RBFOX1: variants seen among roughly 807,000 people sequenced by gnomAD.
RBFOX1 encodes the protein RNA binding fox-1 homolog 1.
RBFOX1 carries 8 observed loss-of-function variants against 57.7 expected under a neutral mutation model. That is an observed-to-expected ratio of 0.14 (90% CI 0.08 to 0.25). The LOEUF is 0.25. RBFOX1 is among the 10% of genes least tolerant of loss of function. RBFOX1 has a pLI of 1.00. For synonymous variants in RBFOX1, 326 were observed against 222.4 expected, an observed-to-expected ratio of 1.47 and a Z score of -4.15; for missense variants, 611 against 548.5, an observed-to-expected ratio of 1.11 and a Z score of -1.14.
At chr16:6,336,846 C>A (rs941066528) in intron 2 of RBFOX1, among the ~76,000 whole-genome samples, 2 of 152,164 alleles carry the variant, frequency 1.3e-5, no homozygotes, top group African/African-American at 2.4e-5. Flanking sequence ...TGAGTGAAAA[C>A]GATCCATGAC....
At chr16:6,908,466 TC>T (rs1215528566) in intron 3 of RBFOX1, among the ~76,000 whole-genome samples, 8 of 152,154 alleles carry the variant, frequency 5.3e-5, no homozygotes, top group Admixed American at 5.2e-4. Flanking sequence ...CTAGACTTTC[TC>T]CCCAGCATGC....
intron 4 of RBFOX1, among the ~76,000 whole-genome samples, chr16:7,365,026 G>A (rs79058131): frequency 0.014 from 2,097 of 152,180 alleles, 43 homozygotes; most frequent in African/African-American, 0.046. Context: ...CTATCCATCC[G>A]TCCGTCCGTC....
intron 4 of RBFOX1, among the ~76,000 whole-genome samples, chr16:7,080,136 A>T (rs1015047596): frequency 1.3e-5 from 2 of 150,214 alleles, no homozygotes; most frequent in African/African-American, 4.9e-5. Context: ...AGTATACTTT[A>T]CTATATCAAT....
intron 4 of RBFOX1, among the ~76,000 whole-genome samples, chr16:7,315,456 A>ACCCGC: frequency 8.1e-6 from 1 of 123,838 alleles, no homozygotes; most frequent in South Asian, 2.7e-4. Context: ...ACTCTACCCT[A>ACCCGC]CCCCCCCCCC....
intron 2 of RBFOX1, among the ~76,000 whole-genome samples, chr16:6,472,093 G>A (rs1259912052): frequency 2.6e-5 from 4 of 151,956 alleles, no homozygotes; most frequent in African/African-American, 4.8e-5. Context: ...AGACTCTACC[G>A]ACAAATTTAC....
At chr16:6,850,059 G>A (rs1410140237) in intron 3 of RBFOX1, among the ~76,000 whole-genome samples, 1 of 152,118 alleles carries the variant, frequency 6.6e-6, no homozygotes, top group African/African-American at 2.4e-5. Flanking sequence ...TTTGTGCATA[G>A]ATACCTTCTT....
At chr16:5,971,988 G>A (rs997876278) in intron 4 of RBFOX1, among the ~76,000 whole-genome samples, 1 of 152,188 alleles carries the variant, frequency 6.6e-6, no homozygotes, top group Non-Finnish European at 1.5e-5. Flanking sequence ...TTGCCTGCCT[G>A]ACTTCAAACT....
chr16:5,640,985 T>C (rs1158803848), intron 3 of RBFOX1, among the ~76,000 whole-genome samples: 3 of 143,818 alleles, frequency 2.1e-5, no homozygotes, highest in Admixed American at 2.1e-4. Context: ...CATACATGCA[T>C]ATCATGCATA....
intron 2 of RBFOX1, among the ~76,000 whole-genome samples, chr16:6,506,485 ACT>A (rs1220833576): frequency 1.3e-5 from 2 of 151,860 alleles, no homozygotes; most frequent in East Asian, 1.9e-4. Context: ...ATGAACCAAG[ACT>A]CTATTAAAAA....
intron 13 of RBFOX1, among the ~76,000 whole-genome samples, chr16:7,674,185 A>T (rs997071252): frequency 6.6e-6 from 1 of 152,196 alleles, no homozygotes; most frequent in Non-Finnish European, 1.5e-5. Context: ...AAGGAAGACC[A>T]TGCAGTAAAG....
intron 3 of RBFOX1, among the ~76,000 whole-genome samples, chr16:6,710,855 G>A (rs1437939837): frequency 6.6e-6 from 1 of 152,196 alleles, no homozygotes; most frequent in African/African-American, 2.4e-5. Flanking sequence ...GTGAGGAAAA[G>A]GAGGAAAGGG....
intron 3 of RBFOX1, among the ~76,000 whole-genome samples, chr16:5,778,156 A>AGGATAAATTGG (rs890785099): frequency 6.6e-6 from 1 of 152,130 alleles, no homozygotes; most frequent in Admixed American, 6.5e-5. Context: ...TGTCTGTAGA[A>AGGATAAATTGG]GGATAAATTG....
intron 3 of RBFOX1, among the ~76,000 whole-genome samples, chr16:6,871,226 C>G (rs892665915): frequency 1.3e-5 from 2 of 152,128 alleles, no homozygotes; most frequent in African/African-American, 4.8e-5. Flanking sequence ...TGCTCTGTCC[C>G]CCAGGCTGGA....
intron 3 of RBFOX1, among the ~76,000 whole-genome samples, chr16:6,821,005 T>C (rs145073156): frequency 3.9e-5 from 6 of 152,342 alleles, no homozygotes; most frequent in African/African-American, 1.2e-4. Flanking sequence ...AAGGGAGTCT[T>C]AGGGTTATTA....
chr16:7,040,761 C>G (rs907101026), intron 3 of RBFOX1, among the ~76,000 whole-genome samples: 11 of 152,158 alleles, frequency 7.2e-5, no homozygotes, highest in African/African-American at 2.7e-4. Context: ...TTTATTTTGT[C>G]ATAGACATCA....
At chr16:5,751,064 A>T (rs1001029360) in intron 3 of RBFOX1, among the ~76,000 whole-genome samples, 1 of 152,126 alleles carries the variant, frequency 6.6e-6, no homozygotes, top group South Asian at 2.1e-4. Flanking sequence ...GCTGGTCTCA[A>T]ACTTCTGACC....
rs181079527 is a variant in RBFOX1 at position 7,688,649 on chromosome 16, G to A, written c.995+11811G>A. Among the ~76,000 whole-genome samples the A allele has an allele frequency of 1.1e-4, 17 of 152,064 alleles. No homozygotes were observed. In the South Asian group the frequency reaches 1.2e-3, roughly 11 times the overall value. On this transcript the variant is annotated intron_variant, in intron 14 of 15. Transcript: ENST00000550418. ...AAAGTGGGCTATGAGGGTGATATGCGGCAATCCACAGGACTAATTTAAGTG... is the reference window on the plus strand; with the variant it reads ...AAAGTGGGCTATGAGGGTGATATGCAGCAATCCACAGGACTAATTTAAGTG...
chr16:5,863,289 G>C (rs1277248392), intron 3 of RBFOX1, among the ~76,000 whole-genome samples: 1 of 152,240 alleles, frequency 6.6e-6, no homozygotes, highest in Non-Finnish European at 1.5e-5. Context: ...GCTTTCAAGA[G>C]AGTCCTGCTG....
At chr16:7,446,445 C>T (rs2098808169) in intron 4 of RBFOX1, among the ~76,000 whole-genome samples, 1 of 152,186 alleles carries the variant, frequency 6.6e-6, no homozygotes. Context: ...AGTTCTCCCT[C>T]ACTGTTGTGG....
Sources: gnomAD v4.1 joint callset for allele counts (sites outside exome capture counted in the v4.1 genomes callset) on GRCh38, gnomAD v4.1.1 for gene constraint, MANE v1.5 for transcripts, NCBI Gene and HGNC (gene_info 2026-07-23, HGNC 2026-07-21) for gene names.